PREPL: variants seen among roughly 807,000 people sequenced by gnomAD.
PREPL encodes prolyl endopeptidase like, also known as prolyl endopeptidase-like.
A neutral mutation model predicts 70.6 loss-of-function variants in PREPL; 77 were observed. The observed-to-expected ratio is 1.09, with a 90% confidence interval of 0.91 to 1.32. PREPL has a LOEUF of 1.32. PREPL is among the 40% of genes most tolerant of loss of function. The pLI is 0.00. For synonymous variants in PREPL, 315 were observed against 264.8 expected, an observed-to-expected ratio of 1.19 and a Z score of -1.84; for missense variants, 1,002 against 778.2, an observed-to-expected ratio of 1.29 and a Z score of -3.42.
chr2:44,344,069 C>T, intron 3 of PREPL, 118 bp from the exon 4 acceptor site: 2 of 1,200,560 alleles, frequency 1.7e-6, no homozygotes, highest in South Asian at 3.3e-5. Flanking sequence ...ATCCTAGCTT[C>T]TTTCAACAAT....
At position 44,320,465 on chromosome 2, in the gene PREPL, C is replaced by A; in HGVS notation, c.*891G>T. ...TAAGGTTAAGTACCAATTCTGCCGACAAAGGCAGTAAAGTTGATACAAGTG... is the reference window on the plus strand; with the variant it reads ...TAAGGTTAAGTACCAATTCTGCCGAAAAAGGCAGTAAAGTTGATACAAGTG... On this transcript the variant is annotated 3_prime_UTR_variant, in exon 14 of 14. Transcript: ENST00000409411. 1 of 1,614,122 alleles carries A rather than the reference C, an allele frequency of 6.2e-7. No homozygotes were observed. The highest frequency in any genetic ancestry group is 8.5e-7 in the Non-Finnish European group (1 of 1,179,972).
At chr2:44,324,040 G>A (rs1462626102) in intron 10 of PREPL, among the ~76,000 whole-genome samples, 1 of 152,192 alleles carries the variant, frequency 6.6e-6, no homozygotes, top group East Asian at 1.9e-4. Context: ...ATTAACCAAA[G>A]AACGAATAAG....
intron 1 of PREPL, chr2:44,359,664 G>A (rs774004066): frequency 1.2e-6 from 2 of 1,613,402 alleles, no homozygotes; most frequent in Non-Finnish European, 1.7e-6. Flanking sequence ...TTTCCAAGGT[G>A]AGGAATACTA....
chr2:44,332,677 T>C (rs752319193), intron 7 of PREPL, 21 bp from the exon 8 acceptor site: 20 of 1,559,778 alleles, frequency 1.3e-5, no homozygotes, highest in Non-Finnish European at 1.7e-5. Flanking sequence ...ACAACAGCTA[T>C]TTTTATTCTT....
rs987192179 is a variant in PREPL at position 44,321,632 on chromosome 2, G to C, written c.1828-187C>G. ...AGATTAAATTATTTTCTTTAACAGA[G>C]CTCACGTATCAAGTACAAGAGAGAG... On this transcript the variant is annotated intron_variant, in intron 13 of 13. Coordinates refer to ENST00000409411, the MANE Select transcript of PREPL (RefSeq NM_001171613.2). 4.7e-6 allele frequency: 7 copies of C among 1,490,316 alleles called. No individual in the cohort carries two copies. The African/African-American group carries it at 9.9e-5, about 21-fold the overall frequency. The allele number at this position is 1,490,316 out of a possible 1,614,324, so 92.3% of individuals were successfully genotyped here.
intron 1 of PREPL, among the ~76,000 whole-genome samples, chr2:44,359,221 T>A (rs1487059762): frequency 6.6e-6 from 1 of 151,838 alleles, no homozygotes; most frequent in Non-Finnish European, 1.5e-5. Context: ...GTGGGTGCCA[T>A]GACGCCTAGC....
Position 44,323,252 on chromosome 2 carries a change from CT to C in PREPL, c.1629+9del. On this transcript the variant is annotated intron_variant, in intron 11 of 13. Coordinates refer to ENST00000409411, the MANE Select transcript of PREPL (RefSeq NM_001171613.2). Reference sequence around the variant, plus strand: ...ATTCAGGATAATCTAACACAATTGTCTTTCACTACCTGAGGTTTAATATTTT... The same window carrying C: ...ATTCAGGATAATCTAACACAATTGTCTTCACTACCTGAGGTTTAATATTTT... 2 of 1,581,448 alleles carry C rather than the reference CT, an allele frequency of 1.3e-6. No homozygotes were observed. Among genetic ancestry groups the C allele is most frequent in the Non-Finnish European group, 1.7e-6 (2 of 1,165,366 alleles).
At chr2:44,327,714 T>A (rs1243250333) in intron 9 of PREPL, among the ~76,000 whole-genome samples, 3 of 147,372 alleles carry the variant, frequency 2.0e-5, no homozygotes, top group African/African-American at 5.0e-5. Flanking sequence ...ATAGAAAAAA[T>A]TAGCCAGGTG....
rs777306202 is a variant in PREPL at position 44,338,409 on chromosome 2, C to T, written c.830G>A (p.Ser277Asn). ...AATCACATTAACATAAAGGAGATTGCTGTGCTTCAGAAATAGAACACAGTG... is the reference window on the plus strand; with the variant it reads ...AATCACATTAACATAAAGGAGATTGTTGTGCTTCAGAAATAGAACACAGTG... ...KDHCVLFLKH[S>N]NLLYVNVIGL... The change falls in exon 7 of 14, where the codon AGC becomes AAC. Residue 277 changes from serine (S) to asparagine (N), a missense_variant. Transcript: ENST00000409411. 1.2e-6 allele frequency: 2 copies of T among 1,613,592 alleles called. No homozygotes were observed. The highest frequency in any genetic ancestry group is 1.7e-6 in the Non-Finnish European group (2 of 1,179,848).
At position 44,321,916 on chromosome 2, in the gene PREPL, T is replaced by C. The variant is rs1249351159; in HGVS notation, c.1754-16A>G. ...GTCTGATAGCCTGGAAGAGTTAACA[T>C]GTAGAACAATTAGAAGATTGTATGG... On this transcript the variant is annotated splice_polypyrimidine_tract_variant and intron_variant, in intron 12 of 13. Coordinates refer to ENST00000409411, the MANE Select transcript of PREPL (RefSeq NM_001171613.2). 2 of 1,607,968 alleles carry C rather than the reference T, an allele frequency of 1.2e-6. No homozygotes were observed. Among genetic ancestry groups the C allele is most frequent in the Non-Finnish European group, 1.7e-6 (2 of 1,176,586 alleles).
Position 44,318,253 on chromosome 2 carries a change from G to A in PREPL, c.*3103C>T, listed in dbSNP as rs1558474057. On this transcript the variant is annotated 3_prime_UTR_variant, in exon 14 of 14. Transcript: ENST00000409411. The stretch of plus-strand genomic sequence containing the variant: ...TTACAGGTGCACGTCATTATGCCCG[G>A]GTAATTTCTGTATTTTTTAGTAGAG... 3 of 306,816 alleles carry A rather than the reference G, an allele frequency of 9.8e-6. No homozygotes were observed. The highest frequency in any genetic ancestry group is 1.9e-5 in the Non-Finnish European group (3 of 153,894). The allele number at this position is 306,816 out of a possible 1,614,324, so 19.0% of individuals were successfully genotyped here. A position where few individuals can be genotyped will look rare whatever the true frequency, so the allele number is the denominator to read the frequency against.
In PREPL at chr2:44,344,606, GT is replaced by G; in HGVS notation, c.76-21del. 1 of 1,546,644 alleles carries G rather than the reference GT, an allele frequency of 6.5e-7. No individual in the cohort carries two copies. Among genetic ancestry groups the G allele is most frequent in the Non-Finnish European group, 8.8e-7 (1 of 1,136,960 alleles). Reference sequence around the variant, plus strand: ...TTTAACCTGACAAAAGAAACATGCAGTTTACTTAATAATAATTTAATTAACC... The same window carrying G: ...TTTAACCTGACAAAAGAAACATGCAGTTACTTAATAATAATTTAATTAACC... On this transcript the variant is annotated intron_variant, in intron 2 of 13. Transcript: ENST00000409411.
rs755354952 is a variant in PREPL at position 44,320,183 on chromosome 2, T to C, written c.*1173A>G. The C allele has an allele frequency of 1.2e-6, 2 of 1,602,076 alleles. No individual in the cohort carries two copies. The highest frequency in any genetic ancestry group is 1.7e-4 in the Middle Eastern group (1 of 5,894). On this transcript the variant is annotated 3_prime_UTR_variant, in exon 14 of 14. Coordinates refer to ENST00000409411, the MANE Select transcript of PREPL (RefSeq NM_001171613.2). The stretch of plus-strand genomic sequence containing the variant: ...TAGAATCAAACACTTACGTAAATAC[T>C]TTTTTAAAAAAATAGGTCCAAAAGA...
intron 5 of PREPL, among the ~76,000 whole-genome samples, chr2:44,341,403 T>C (rs937650808): frequency 6.6e-6 from 1 of 152,174 alleles, no homozygotes; most frequent in Non-Finnish European, 1.5e-5. Context: ...TTTACTGTTA[T>C]TGCTTTATAT....
At chr2:44,321,934 TTG>T in intron 12 of PREPL, 34 bp from the exon 13 acceptor site, 2 of 1,589,410 alleles carry the variant, frequency 1.3e-6, no homozygotes, top group Non-Finnish European at 8.6e-7. Context: ...AATTAGAAGA[TTG>T]TATGGGATCT....
chr2:44,332,668 C>T lies in PREPL; in HGVS notation c.889-12G>A. The T allele has an allele frequency of 6.3e-7, 1 of 1,584,374 alleles. No homozygotes were observed. Among genetic ancestry groups the T allele is most frequent in the Non-Finnish European group, 8.6e-7 (1 of 1,162,738 alleles). On this transcript the variant is annotated splice_polypyrimidine_tract_variant and intron_variant, in intron 7 of 13. Coordinates refer to ENST00000409411, the MANE Select transcript of PREPL (RefSeq NM_001171613.2). ...GCCCAAGGAGGGAGCTAAAGAAATA[C>T]AACAGCTATTTTTATTCTTTATTTA...
chr2:44,357,935 C>T (rs978443862), intron 1 of PREPL, among the ~76,000 whole-genome samples: 1 of 151,996 alleles, frequency 6.6e-6, no homozygotes, highest in Non-Finnish European at 1.5e-5. Flanking sequence ...TAAGGCAAGA[C>T]ACTACAAAAA....
chr2:44,326,560 G>A, intron 10 of PREPL, 152 bp downstream of exon 10: 1 of 709,512 alleles, frequency 1.4e-6, no homozygotes. Context: ...CTGGTCTCGA[G>A]CTCCTGGTAA....
chr2:44,340,062 T>C (rs370566502), intron 5 of PREPL, among the ~76,000 whole-genome samples: 17 of 152,242 alleles, frequency 1.1e-4, no homozygotes, highest in African/African-American at 4.1e-4. Context: ...TTTTTGATTC[T>C]GTATTTCTTA....
Sources: allele counts gnomAD v4.1 joint callset (sites outside exome capture counted in the v4.1 genomes callset), GRCh38; gene constraint gnomAD v4.1.1; transcripts MANE v1.5; gene names NCBI Gene and HGNC (gene_info 2026-07-23, HGNC 2026-07-21).